TRIM26: variants seen among roughly 807,000 people sequenced by gnomAD.
TRIM26 encodes tripartite motif-containing protein 26.
TRIM26 carries 16 observed loss-of-function variants against 45.5 expected under a neutral mutation model. The observed-to-expected ratio is 0.35, with a 90% CI of 0.24 to 0.53. The LOEUF (loss-of-function observed/expected upper bound fraction) is 0.53. Ranked by LOEUF, TRIM26 falls within the 20% of genes least tolerant of loss-of-function variation. The pLI is 0.92. For synonymous variants in TRIM26, 273 were observed against 290.4 expected (o/e 0.94, Z 0.61); for missense variants, 442 against 691.1 (o/e 0.64, Z 4.04).
intron 1 of TRIM26, among the ~76,000 whole-genome samples, chr6:30,208,538 G>GT (rs1777953215): frequency 9.8e-6 from 1 of 102,224 alleles, no homozygotes; most frequent in Non-Finnish European, 2.0e-5. Flanking sequence ...TTTTTTCCAT[G>GT]TATTTGGGTG....
intron 1 of TRIM26, among the ~76,000 whole-genome samples, chr6:30,208,904 ATGTGTGTGTGTGTGTGTGTGTGTG>A (rs9278612): frequency 7.1e-6 from 1 of 140,730 alleles, no homozygotes; most frequent in African/African-American, 2.6e-5. Flanking sequence ...GATATAGAAT[ATGTGTGTGTGTGTGTGTGTGTGTG>A]TGTGTGTGTG....
intron 6 of TRIM26, among the ~76,000 whole-genome samples, chr6:30,192,355 G>C (rs1775941130): frequency 6.6e-6 from 1 of 152,180 alleles, no homozygotes; most frequent in Non-Finnish European, 1.5e-5. Context: ...TGATCCTGCA[G>C]GGCCTGCCCG....
Position 30,199,095 on chromosome 6 carries a change from C to A in TRIM26, c.9G>T (p.Thr3=). 1 of 1,560,614 alleles carries A rather than the reference C, an allele frequency of 6.4e-7. No homozygotes were observed. Among genetic ancestry groups the A allele is most frequent in the African/African-American group, 1.4e-5 (1 of 73,770 alleles). The stretch of plus-strand genomic sequence containing the variant: ...CTTCCAGGCTCCGTAGTGGGGCTGA[C>A]GTGGCCATGGTATCCTTAGTTCAGA... MA[T]SAPLRSLEEE... is the part of the protein sequence containing the mutation. Residue 3 remains threonine, a synonymous_variant, in exon 4 of 10, where the codon ACG becomes ACT. Coordinates refer to ENST00000454678, the MANE Select transcript of TRIM26 (RefSeq NM_003449.5).
chr6:30,194,594 G>A (rs1407043982), intron 6 of TRIM26, among the ~76,000 whole-genome samples: 1 of 152,152 alleles, frequency 6.6e-6, no homozygotes, highest in Admixed American at 6.5e-5. Context: ...AGTGGCTCAC[G>A]CCTGTAATCC....
intron 6 of TRIM26, among the ~76,000 whole-genome samples, chr6:30,193,656 C>CT (rs947610107): frequency 2.4e-4 from 36 of 151,976 alleles, no homozygotes; most frequent in African/African-American, 8.7e-4. Context: ...CTGTAGACTG[C>CT]TTTGGGTAGG....
rs369570465 is a variant in TRIM26 at position 30,209,056 on chromosome 6, GT to G, written c.-376+4248del. Among the ~76,000 whole-genome samples the G allele has an allele frequency of 3.1e-4, 47 of 152,124 alleles. 1 individual carries two copies. The East Asian group carries it at 4.8e-3, about 16-fold the overall frequency. On this transcript the variant is annotated intron_variant, in intron 1 of 9. Transcript: ENST00000454678. This position sits in a 1 kb window ranked among gnomAD's most constrained non-coding sequence, Gnocchi z 4.8. ...GTGCTCCTCGACCCAACCAGTAAAT[GT>G]TGTAAATGTTTATCTTTGGGGAGAG...
At chr6:30,201,943 G>C (rs1318472648) in intron 2 of TRIM26, among the ~76,000 whole-genome samples, 1 of 152,138 alleles carries the variant, frequency 6.6e-6, no homozygotes, top group Non-Finnish European at 1.5e-5. Flanking sequence ...TTTTTCAGTT[G>C]TAACATACTG....
chr6:30,201,554 G>C (rs1176125158), intron 2 of TRIM26, among the ~76,000 whole-genome samples: 1 of 152,094 alleles, frequency 6.6e-6, no homozygotes, highest in African/African-American at 2.4e-5. Context: ...TGGTAGAAAT[G>C]CTAGGAATTG....
At chr6:30,193,609 T>A (rs956698364) in intron 6 of TRIM26, among the ~76,000 whole-genome samples, 3 of 152,212 alleles carry the variant, frequency 2.0e-5, no homozygotes, top group African/African-American at 7.2e-5. Flanking sequence ...TTCTGAAGAA[T>A]GTCATTCGTA....
At position 30,186,573 on chromosome 6, in the gene TRIM26, G is replaced by GGAAAA; in HGVS notation, c.938-16_938-15insTTTTC. ...GGTGACGCTCACTGTGGGGACAAGG[G>GGAAAA]AAAAAAAAAAAAACAGCATCACTGT... On this transcript the variant is annotated splice_polypyrimidine_tract_variant and intron_variant, in intron 9 of 9. Coordinates refer to ENST00000454678, the MANE Select transcript of TRIM26 (RefSeq NM_003449.5). The surrounding 1 kb of genome is among the most constrained non-coding windows in gnomAD (Gnocchi z 7.4). 1 of 1,355,282 alleles carries GGAAAA rather than the reference G, an allele frequency of 7.4e-7. No homozygotes were observed. Among genetic ancestry groups the GGAAAA allele is most frequent in the East Asian group, 2.6e-5 (1 of 38,184 alleles). 84.0% of individuals were successfully genotyped at this position (1,355,282 alleles called of 1,614,324 possible).
Position 30,189,068 on chromosome 6 carries a change from A to C in TRIM26, c.937+99T>G. On this transcript the variant is annotated intron_variant, in intron 9 of 9. Transcript: ENST00000454678. This position sits in a 1 kb window ranked among gnomAD's most constrained non-coding sequence, Gnocchi z 5.0. Reference sequence around the variant, plus strand: ...GCAGCTGGGAAATTCTTCCTGTTGCAAAAGGGGCTACCTGGGGGAAAAGTG... The same window carrying C: ...GCAGCTGGGAAATTCTTCCTGTTGCCAAAGGGGCTACCTGGGGGAAAAGTG... The C allele has an allele frequency of 2.2e-6, 3 of 1,372,876 alleles. No individual in the cohort carries two copies. Among genetic ancestry groups the C allele is most frequent in the Non-Finnish European group, 3.0e-6 (3 of 999,708 alleles). 85.0% of individuals were successfully genotyped at this position (1,372,876 alleles called of 1,614,324 possible). A position where few individuals can be genotyped will look rare whatever the true frequency, so the allele number is the denominator to read the frequency against.
At chr6:30,201,612 G>A (rs539340536) in intron 2 of TRIM26, among the ~76,000 whole-genome samples, 23 of 152,254 alleles carry the variant, frequency 1.5e-4, no homozygotes, top group African/African-American at 4.1e-4. Context: ...TTGGGAGGCC[G>A]AGGCAGGTGA....
intron 1 of TRIM26, among the ~76,000 whole-genome samples, chr6:30,208,082 AT>A (rs1320650324): frequency 6.6e-6 from 1 of 152,240 alleles, no homozygotes; most frequent in African/African-American, 2.4e-5. Context: ...CAGAATCTAC[AT>A]ATTACTTGGC....
In TRIM26 at chr6:30,196,627, C is replaced by A. The variant is rs137972961; in HGVS notation, c.654G>T (p.Thr218=). 84 of 1,614,126 alleles carry A rather than the reference C, an allele frequency of 5.2e-5. No homozygotes were observed. Among genetic ancestry groups the A allele is most frequent in the Admixed American group, 4.0e-4 (24 of 60,028 alleles). Residue 218 remains threonine, a synonymous_variant, in exon 6 of 10, where the codon ACG becomes ACT. Transcript: ENST00000454678. This position sits in a 1 kb window ranked among gnomAD's most constrained non-coding sequence, Gnocchi z 4.9. Reference sequence around the variant, plus strand: ...GGCTCTTGAACTTCTCCCTGCCCTCCGTGAGCTCCTGCTCCAGCTTCGCCA... The same window carrying A: ...GGCTCTTGAACTTCTCCCTGCCCTCAGTGAGCTCCTGCTCCAGCTTCGCCA... ...EQLAKLEQEL[T]EGREKFKSRG... is the part of the protein sequence containing the mutation.
At chr6:30,211,215 A>C (rs1778253188) in intron 1 of TRIM26, among the ~76,000 whole-genome samples, 1 of 151,890 alleles carries the variant, frequency 6.6e-6, no homozygotes, top group Non-Finnish European at 1.5e-5. Context: ...CTCTCTTTAG[A>C]TTAGACATTC....
intron 9 of TRIM26, chr6:30,188,217 C>CAAAAAAAAAAAAAAAAAAAAAAAAAAA (rs9280914): frequency 9.6e-6 from 1 of 104,122 alleles, no homozygotes; most frequent in Non-Finnish European, 1.7e-5. Flanking sequence ...GACTCCGTCT[C>CAAAAAAAAAAAAAAAAAAAAAAAAAAA]AAAAAAAAAA....
Position 30,189,425 on chromosome 6 carries a change from T to C in TRIM26, c.897A>G (p.Glu299=), listed in dbSNP as rs765009512. ...KLLSLQRGLR[E]FQGKLLRDLE... is the part of the protein sequence containing the mutation. Reference sequence around the variant, plus strand: ...GCGCTCCCCAACCCTTACCCTGGAATTCCCTCAGGCCTCGTTGCAGAGAGA... The same window carrying C: ...GCGCTCCCCAACCCTTACCCTGGAACTCCCTCAGGCCTCGTTGCAGAGAGA... The change falls in exon 8 of 10, where the codon GAA becomes GAG. Residue 299 remains glutamate, a synonymous_variant. Transcript: ENST00000454678. The surrounding 1 kb of genome is among the most constrained non-coding windows in gnomAD (Gnocchi z 5.0). 24 of 1,612,878 alleles carry C rather than the reference T, an allele frequency of 1.5e-5. No individual in the cohort carries two copies. Among genetic ancestry groups the C allele is most frequent in the Non-Finnish European group, 1.9e-5 (23 of 1,179,998 alleles).
Position 30,198,314 on chromosome 6 carries a change from A to G in TRIM26, c.534+115T>C. On this transcript the variant is annotated intron_variant, in intron 5 of 9. Transcript: ENST00000454678. The surrounding 1 kb of genome is among the most constrained non-coding windows in gnomAD (Gnocchi z 6.3). ...GTCTGCTACTGCCAGGCTGACACCC[A>G]TCCTCCCTGTGAGCAGCGCCTAGAA... 2.7e-6 allele frequency: 3 copies of G among 1,127,370 alleles called. No individual in the cohort carries two copies. Among genetic ancestry groups the G allele is most frequent in the South Asian group, 1.3e-5 (1 of 75,346 alleles). 69.8% of individuals were successfully genotyped at this position (1,127,370 alleles called of 1,614,324 possible).
At position 30,207,466 on chromosome 6, in the gene TRIM26, C is replaced by A. The variant is rs1473640594; in HGVS notation, c.-375-2701G>T. On this transcript the variant is annotated intron_variant, in intron 1 of 9. Coordinates refer to ENST00000454678, the MANE Select transcript of TRIM26 (RefSeq NM_003449.5). This position sits in a 1 kb window ranked among gnomAD's most constrained non-coding sequence, Gnocchi z 4.9. ...TTCCTGATTTACATAAACCTCCTCTCCCCTTTGCTGCCCCAGTGCTGCAGC... is the reference window on the plus strand; with the variant it reads ...TTCCTGATTTACATAAACCTCCTCTACCCTTTGCTGCCCCAGTGCTGCAGC... Among the ~76,000 whole-genome samples, 3 of 152,292 alleles carry A rather than the reference C, an allele frequency of 2.0e-5. No homozygotes were observed. The highest frequency in any genetic ancestry group is 6.8e-3 in the Middle Eastern group (2 of 294).
Sources: gnomAD v4.1 joint callset for allele counts (sites outside exome capture counted in the v4.1 genomes callset) on GRCh38, gnomAD v4.1.1 for gene constraint, Gnocchi (gnomAD v3.1) non-coding constraint, MANE v1.5 for transcripts, NCBI Gene and HGNC (gene_info 2026-07-23, HGNC 2026-07-21) for gene names.